Variants in DENND1A observed in about 807,000 individuals in gnomAD.
DENND1A encodes DENN domain-containing protein 1A.
Under a neutral mutation model 113.7 loss-of-function variants are expected in DENND1A, and 51 were observed. The ratio of observed to expected loss-of-function variants is 0.45; its 90% CI spans 0.36 to 0.57. The LOEUF (loss-of-function observed/expected upper bound fraction) is 0.57. Among genes scored for constraint, DENND1A ranks in the 20% least tolerant of loss-of-function variants. The pLI is 0.00. For missense variants in DENND1A, 1,258 were observed against 1,395.9 expected (o/e 0.90, Z 1.57); for synonymous variants, 565 against 570.8 (o/e 0.99, Z 0.14).
intron 13 of DENND1A, among the ~76,000 whole-genome samples, chr9:123,484,672 C>T (rs1404616573): frequency 2.6e-5 from 4 of 152,206 alleles, no homozygotes; most frequent in Non-Finnish European, 5.9e-5. Context: ...TACGAATGCA[C>T]AAGGCATTCA....
At chr9:123,423,507 C>T (rs2045479517) in intron 19 of DENND1A, among the ~76,000 whole-genome samples, 1 of 152,112 alleles carries the variant, frequency 6.6e-6, no homozygotes, top group South Asian at 2.1e-4. Context: ...CACCACTTGC[C>T]TCAATGCAAA....
chr9:123,599,403 G>T (rs780741718), intron 11 of DENND1A, among the ~76,000 whole-genome samples: 9 of 152,208 alleles, frequency 5.9e-5, no homozygotes, highest in Admixed American at 2.6e-4. Context: ...CTACATCACA[G>T]TTTGACCTCT....
At chr9:123,643,658 G>A (rs768061863) in intron 9 of DENND1A, among the ~76,000 whole-genome samples, 15 of 152,234 alleles carry the variant, frequency 9.9e-5, no homozygotes, top group Admixed American at 2.6e-4. Flanking sequence ...CACCAAGGCC[G>A]CACTCATGGT....
intron 9 of DENND1A, 61 bp from the exon 10 acceptor site, chr9:123,630,537 A>G: frequency 8.8e-7 from 1 of 1,135,902 alleles, no homozygotes; most frequent in Middle Eastern, 2.0e-4. Flanking sequence ...CCGCCATTTG[A>G]TTTCAGCAAT....
rs899957621 is a variant in DENND1A at position 123,782,314 on chromosome 9, A to G, written c.132+10273T>C. On this transcript the variant is annotated intron_variant, in intron 3 of 23. Coordinates refer to ENST00000394215, the MANE Select transcript of DENND1A (RefSeq NM_001352964.2). ...ATACCGCTAAAACTAGATACTACAC[A>G]AAGAGGCATCATGTCTGATATACAC... Among the ~76,000 whole-genome samples, 9 of 152,184 alleles carry G rather than the reference A, an allele frequency of 5.9e-5. No individual in the cohort carries two copies. In the South Asian group the frequency reaches 1.9e-3, roughly 31 times the overall value.
chr9:123,893,729 C>A (rs1400696920), intron 1 of DENND1A, among the ~76,000 whole-genome samples: 1 of 152,178 alleles, frequency 6.6e-6, no homozygotes, highest in East Asian at 1.9e-4. Flanking sequence ...ATTGCTTGCC[C>A]AAAGACAAAT....
chr9:123,403,394 A>G lies in DENND1A; in HGVS notation c.1631+8T>C, dbSNP rs763163623. On this transcript the variant is annotated splice_region_variant and intron_variant, in intron 21 of 23. Transcript: ENST00000394215. ...CTTACAGACAGAGGGGAGAGGCACA[A>G]TACTCACTGCTCAGGGCTCGGCACA... 5.6e-6 allele frequency: 9 copies of G among 1,613,920 alleles called. No homozygotes were observed. In the South Asian group the frequency reaches 7.7e-5, roughly 14 times the overall value.
chr9:123,418,859 G>A (rs977620147), intron 19 of DENND1A, among the ~76,000 whole-genome samples: 2 of 152,266 alleles, frequency 1.3e-5, no homozygotes, highest in East Asian at 3.8e-4. Flanking sequence ...CTCATCCTGA[G>A]TTAATTATGG....
intron 1 of DENND1A, among the ~76,000 whole-genome samples, chr9:123,882,905 A>G (rs1341937440): frequency 6.6e-6 from 1 of 152,178 alleles, no homozygotes; most frequent in Non-Finnish European, 1.5e-5. Flanking sequence ...CAAAACAGAA[A>G]AAGAAGGTGG....
chr9:123,494,926 G>A (rs2772209), intron 13 of DENND1A, among the ~76,000 whole-genome samples: 144,615 of 152,128 alleles, frequency 0.95, 69,090 homozygotes, highest in Non-Finnish European at 1. Flanking sequence ...TGAGTAGCTG[G>A]AATTACAGGT....
chr9:123,401,384 C>A (rs1267167561), intron 21 of DENND1A: 2 of 721,358 alleles, frequency 2.8e-6, no homozygotes, highest in East Asian at 9.6e-5. Flanking sequence ...TAGAAAAACA[C>A]CCGGGTTGCA....
chr9:123,744,288 T>A (rs1418119718), intron 5 of DENND1A, among the ~76,000 whole-genome samples: 2 of 152,180 alleles, frequency 1.3e-5, no homozygotes, highest in African/African-American at 4.8e-5. Flanking sequence ...TCTCTTGCTT[T>A]TCTTCTATAA....
At chr9:123,470,343 G>A (rs1564548026) in intron 13 of DENND1A, among the ~76,000 whole-genome samples, 1 of 152,238 alleles carries the variant, frequency 6.6e-6, no homozygotes, top group Non-Finnish European at 1.5e-5. Context: ...TCAAACACCT[G>A]CTGGCTCAAC....
chr9:123,643,383 C>T (rs576840989), intron 9 of DENND1A, among the ~76,000 whole-genome samples: 31 of 152,234 alleles, frequency 2.0e-4, no homozygotes, highest in South Asian at 4.1e-4. Flanking sequence ...GAAAAGCATC[C>T]GCTGGGTAAA....
intron 2 of DENND1A, among the ~76,000 whole-genome samples, chr9:123,848,228 TAAAA>T (rs375535777): frequency 0.046 from 2,788 of 60,154 alleles, 15 homozygotes; most frequent in Middle Eastern, 0.066. Flanking sequence ...GATACTGCTT[TAAAA>T]AAAAAAAAAA....
chr9:123,420,741 C>G (rs961753663), intron 19 of DENND1A, among the ~76,000 whole-genome samples: 3 of 152,046 alleles, frequency 2.0e-5, no homozygotes, highest in Non-Finnish European at 4.4e-5. Flanking sequence ...CTGATTACTT[C>G]CCGTGCAAAG....
chr9:123,886,384 C>G (rs1343732797), intron 1 of DENND1A, among the ~76,000 whole-genome samples: 1 of 152,122 alleles, frequency 6.6e-6, no homozygotes, highest in African/African-American at 2.4e-5. Context: ...TAATTTAGAG[C>G]TACAGACCTG....
At chr9:123,744,920 C>T (rs868728241) in intron 5 of DENND1A, among the ~76,000 whole-genome samples, 22 of 151,886 alleles carry the variant, frequency 1.4e-4, no homozygotes, top group Admixed American at 2.6e-4. Flanking sequence ...GGATTACAGG[C>T]GCACACCACC....
intron 2 of DENND1A, among the ~76,000 whole-genome samples, chr9:123,834,666 A>G (rs892648877): frequency 6.6e-6 from 1 of 152,176 alleles, no homozygotes; most frequent in South Asian, 2.1e-4. Flanking sequence ...ACCAGAACAG[A>G]GCTTAGGTTT....
Sources: allele counts gnomAD v4.1 joint callset (sites outside exome capture counted in the v4.1 genomes callset), GRCh38; gene constraint gnomAD v4.1.1; transcripts MANE v1.5; gene names NCBI Gene and HGNC (gene_info 2026-07-23, HGNC 2026-07-21).